TRPM3: variants seen among roughly 807,000 people sequenced by gnomAD.
The protein encoded by TRPM3 is long transient receptor potential channel 3.
TRPM3 carries 77 observed loss-of-function variants against 181.2 expected under a neutral mutation model. That is an observed-to-expected ratio of 0.42 (90% CI 0.35 to 0.51). The LOEUF is 0.51. TRPM3 is among the 20% of genes least tolerant of loss of function. The pLI, the probability that TRPM3 is intolerant of heterozygous loss-of-function variation, is 0.01. For missense variants in TRPM3, 1,759 were observed against 2,196.7 expected (o/e 0.80, Z 3.98); for synonymous variants, 745 against 796.4 (o/e 0.94, Z 1.09).
chr9:71,100,362 G>A (rs2068123650), intron 1 of TRPM3, among the ~76,000 whole-genome samples: 1 of 151,976 alleles, frequency 6.6e-6, no homozygotes, highest in Admixed American at 6.6e-5. Flanking sequence ...TAGAAGTAAA[G>A]GATGCTCAAA....
chr9:70,959,049 T>C (rs1590083764), intron 1 of TRPM3, among the ~76,000 whole-genome samples: 1 of 151,448 alleles, frequency 6.6e-6, no homozygotes, highest in African/African-American at 2.4e-5. Flanking sequence ...ATATACCTAA[T>C]GCTAAACGAC....
chr9:70,602,278 T>C (rs938726620), intron 20 of TRPM3, among the ~76,000 whole-genome samples: 1 of 152,176 alleles, frequency 6.6e-6, no homozygotes, highest in African/African-American at 2.4e-5. Flanking sequence ...CCAATACAAC[T>C]GCATCTAACA....
chr9:70,583,509 C>G (rs1407329446), intron 22 of TRPM3, among the ~76,000 whole-genome samples: 1 of 152,076 alleles, frequency 6.6e-6, no homozygotes, highest in African/African-American at 2.4e-5. Context: ...ATGGAACAAG[C>G]GCTAAATTTA....
intron 1 of TRPM3, among the ~76,000 whole-genome samples, chr9:70,984,908 C>T (rs2097403584): frequency 6.6e-6 from 1 of 152,278 alleles, no homozygotes; most frequent in East Asian, 1.9e-4. Context: ...ATTTTATTTA[C>T]CTTGCAGAAT....
At chr9:70,640,129 C>T (rs987738509) in intron 10 of TRPM3, among the ~76,000 whole-genome samples, 2 of 152,144 alleles carry the variant, frequency 1.3e-5, no homozygotes, top group Non-Finnish European at 2.9e-5. Context: ...TCACCAGGAC[C>T]AGATGGCGCC....
At chr9:70,752,823 C>G (rs998334580) in intron 8 of TRPM3, among the ~76,000 whole-genome samples, 2 of 152,094 alleles carry the variant, frequency 1.3e-5, no homozygotes, top group Non-Finnish European at 2.9e-5. Flanking sequence ...GAATTACACT[C>G]TATGGGCTGG....
Position 71,414,348 on chromosome 9 carries a change from ATGT to A in TRPM3, c.183+32302_183+32304del, listed in dbSNP as rs557646943. Among the ~76,000 whole-genome samples the A allele has an allele frequency of 7.4e-3, 1,133 of 152,198 alleles. 5 individuals are homozygous for A. Among genetic ancestry groups the A allele is most frequent in the Non-Finnish European group, 0.01 (713 of 67,988 alleles). ...AACAATAATAGGTTGTCATAATTCG[ATGT>A]TGTGAAACAGACTTTATATCACCAC... On this transcript the variant is annotated intron_variant, in intron 1 of 24. Transcript: ENST00000357533.
At chr9:70,854,895 C>A (rs958873680) in intron 3 of TRPM3, among the ~76,000 whole-genome samples, 3 of 152,172 alleles carry the variant, frequency 2.0e-5, no homozygotes, top group Non-Finnish European at 4.4e-5. Flanking sequence ...GAGGCCAGTA[C>A]ATCAGCATGA....
rs145515937 is a variant in TRPM3 at position 71,115,568 on chromosome 9, G to A, written c.177+5610C>T. Among the ~76,000 whole-genome samples the A allele has an allele frequency of 2.3e-4, 35 of 152,342 alleles. No homozygotes were observed. The East Asian group carries it at 6.8e-3, about 29-fold the overall frequency. On this transcript the variant is annotated intron_variant, in intron 1 of 25. Transcript: ENST00000677713. ...CCAACAGAAGAGCAGAGGGGAGGGT[G>A]TGGAACCGCTGCTGGGTAGGCAGAG... is the stretch of plus-strand genomic sequence containing the variant.
At chr9:71,299,098 C>T (rs937348908) in intron 1 of TRPM3, among the ~76,000 whole-genome samples, 4 of 152,236 alleles carry the variant, frequency 2.6e-5, no homozygotes, top group East Asian at 1.9e-4. Context: ...ACCTTCTGAA[C>T]GATGAAAACC....
chr9:70,776,331 A>G (rs2081348173), intron 7 of TRPM3: 4 of 628,454 alleles, frequency 6.4e-6, no homozygotes, highest in Non-Finnish European at 1.1e-5. Flanking sequence ...GGGGTAGGAC[A>G]CTGCAGATGC....
intron 1 of TRPM3, among the ~76,000 whole-genome samples, chr9:71,381,610 ACCTATGTAG>A (rs765866020): frequency 7.2e-5 from 11 of 152,138 alleles, no homozygotes; most frequent in Non-Finnish European, 1.3e-4. Flanking sequence ...ATGAACGTAA[ACCTATGTAG>A]CAGCACACCA....
chr9:71,171,493 G>A (rs1398346079), intron 1 of TRPM3, among the ~76,000 whole-genome samples: 1 of 152,056 alleles, frequency 6.6e-6, no homozygotes, highest in Admixed American at 6.6e-5. Flanking sequence ...TCTCAAGCTG[G>A]CCGACACTTA....
intron 8 of TRPM3, among the ~76,000 whole-genome samples, chr9:70,697,902 C>G (rs1000068034): frequency 6.6e-6 from 1 of 152,192 alleles, no homozygotes; most frequent in African/African-American, 2.4e-5. Context: ...TAGGTTACCG[C>G]TATAGCCCCA....
chr9:71,026,146 A>G (rs553572172), intron 1 of TRPM3, among the ~76,000 whole-genome samples: 2 of 152,174 alleles, frequency 1.3e-5, no homozygotes, highest in Admixed American at 6.5e-5. Context: ...ATAGTGGAGC[A>G]TGGCCAGGAG....
intron 6 of TRPM3, among the ~76,000 whole-genome samples, chr9:70,817,062 G>A (rs184801683): frequency 6.6e-6 from 1 of 152,166 alleles, no homozygotes; most frequent in African/African-American, 2.4e-5. Context: ...TTTATCTCAT[G>A]TGCCAACTCC....
chr9:70,784,080 C>G (rs2083060346), intron 7 of TRPM3, 25 bp downstream of exon 7: 2 of 1,607,104 alleles, frequency 1.2e-6, no homozygotes, highest in South Asian at 2.2e-5. Context: ...TAGGGTTCTT[C>G]CATGGGGCCT....
rs565986496 is a variant in TRPM3, at chr9:70,982,850, G to A, written c.178-118339C>T. On this transcript the variant is annotated intron_variant, in intron 1 of 25. Coordinates refer to ENST00000677713, the MANE Select transcript of TRPM3 (RefSeq NM_001366145.2). ...TGAGTAGCTGGGATTACAGGTGCCC[G>A]CCACCACACCTGGCTAATTTTTCTA... Among the ~76,000 whole-genome samples, 112 of 152,116 alleles carry A rather than the reference G, an allele frequency of 7.4e-4. 1 individual carries two copies. The highest frequency in any genetic ancestry group is 2.5e-3 in the South Asian group (12 of 4,812).
chr9:71,143,976 A>G (rs1233568637), intron 1 of TRPM3, among the ~76,000 whole-genome samples: 3 of 152,124 alleles, frequency 2.0e-5, no homozygotes, highest in African/African-American at 7.2e-5. Flanking sequence ...TGTTGGCCAC[A>G]TATATGTCTT....
Sources: gnomAD v4.1 joint callset for allele counts (sites outside exome capture counted in the v4.1 genomes callset) on GRCh38, gnomAD v4.1.1 for gene constraint, MANE v1.5 for transcripts, NCBI Gene and HGNC (gene_info 2026-07-23, HGNC 2026-07-21) for gene names.